Variants in KHDRBS2 observed in about 807,000 individuals in gnomAD.
The protein encoded by KHDRBS2 is KH RNA binding domain containing, signal transduction associated 2.
Under a neutral mutation model 44.3 loss-of-function variants are expected in KHDRBS2, and 26 were observed. That is an observed-to-expected ratio of 0.59 (90% confidence interval 0.43 to 0.81). The LOEUF (loss-of-function observed/expected upper bound fraction) is 0.81. Among genes scored for constraint, KHDRBS2 ranks in the 40% least tolerant of loss-of-function variants. The probability of loss-of-function intolerance (pLI) is 0.00; values close to 1 mark genes in which losing one functional copy is unlikely to be tolerated. For synonymous variants in KHDRBS2, 194 were observed against 151.1 expected (o/e 1.28, Z -2.08); for missense variants, 476 against 433.1 (o/e 1.10, Z -0.88).
chr6:62,073,967 T>G (rs1212950959), intron 2 of KHDRBS2, among the ~76,000 whole-genome samples: 1 of 151,760 alleles, frequency 6.6e-6, no homozygotes, highest in African/African-American at 2.4e-5. Context: ...CAGAACTGAG[T>G]GGGGATCCAC....
At chr6:61,679,709 A>G (rs1766135842), downstream of KHDRBS2, among the ~76,000 whole-genome samples, 3 of 151,990 alleles carry the variant, frequency 2.0e-5, no homozygotes, top group Admixed American at 2.0e-4. Context: ...GTCAAAACAA[A>G]TTGTTATAAA....
chr6:61,901,410 C>T, intron 4 of KHDRBS2, 39 bp from the exon 5 acceptor site: 1 of 1,476,838 alleles, frequency 6.8e-7, no homozygotes, highest in African/African-American at 1.5e-5. Context: ...AAAAATGGGA[C>T]ATGCCGTTCT....
chr6:61,583,026 A>T, the KHDRBS2 span, among the ~76,000 whole-genome samples: 2 of 151,776 alleles, frequency 1.3e-5, no homozygotes, highest in Non-Finnish European at 3.0e-5. Context: ...ATCTATATTC[A>T]CTGATTGTTA....
chr6:62,237,863 AG>A (rs1424927076), intron 1 of KHDRBS2, among the ~76,000 whole-genome samples: 2 of 152,090 alleles, frequency 1.3e-5, no homozygotes, highest in African/African-American at 4.8e-5. Flanking sequence ...ATATGGTAAA[AG>A]TCCTTCTCTA....
At chr6:62,200,640 C>T (rs1002933076) in intron 1 of KHDRBS2, among the ~76,000 whole-genome samples, 7 of 152,068 alleles carry the variant, frequency 4.6e-5, no homozygotes, top group African/African-American at 1.7e-4. Flanking sequence ...GTTGGTGGGA[C>T]CATAAACTAG....
intron 8 of KHDRBS2, among the ~76,000 whole-genome samples, chr6:61,682,548 A>G (rs1320872336): frequency 6.6e-6 from 1 of 151,918 alleles, no homozygotes; most frequent in East Asian, 1.9e-4. Context: ...GAACACAGGC[A>G]TGCTGTTTAT....
At chr6:61,949,863 T>A (rs1338979362) in intron 4 of KHDRBS2, among the ~76,000 whole-genome samples, 1 of 152,084 alleles carries the variant, frequency 6.6e-6, no homozygotes, top group African/African-American at 2.4e-5. Context: ...TCTCCCATTC[T>A]TTTACCTCAT....
intron 1 of KHDRBS2, among the ~76,000 whole-genome samples, chr6:62,233,538 T>G (rs890680053): frequency 6.6e-6 from 1 of 152,142 alleles, no homozygotes; most frequent in Non-Finnish European, 1.5e-5. Context: ...TTGGCTATAT[T>G]GATAAACTTG....
intron 6 of KHDRBS2, among the ~76,000 whole-genome samples, chr6:61,855,982 T>C (rs1796097812): frequency 1.3e-5 from 2 of 152,230 alleles, no homozygotes; most frequent in East Asian, 1.9e-4. Context: ...TAGGCTCTGC[T>C]TTTGTCATAA....
chr6:61,641,289 C>T, the KHDRBS2 span, among the ~76,000 whole-genome samples: 2 of 152,164 alleles, frequency 1.3e-5, no homozygotes, highest in Non-Finnish European at 2.9e-5. Flanking sequence ...CAAAAGCTTT[C>T]ACTGGCTCAC....
At chr6:61,924,860 C>A (rs528751056) in intron 4 of KHDRBS2, among the ~76,000 whole-genome samples, 1 of 152,072 alleles carries the variant, frequency 6.6e-6, no homozygotes, top group Non-Finnish European at 1.5e-5. Flanking sequence ...GTACAAAATA[C>A]ATGATAAGCT....
chr6:62,020,805 T>C (rs1303944107), intron 3 of KHDRBS2, among the ~76,000 whole-genome samples: 2 of 152,038 alleles, frequency 1.3e-5, no homozygotes, highest in African/African-American at 2.4e-5. Flanking sequence ...TTTTCACTTT[T>C]AACTATTTGT....
intron 6 of KHDRBS2, among the ~76,000 whole-genome samples, chr6:61,789,393 T>C (rs1784290827): frequency 6.6e-6 from 1 of 151,398 alleles, no homozygotes; most frequent in South Asian, 2.1e-4. Flanking sequence ...TATTATGTAA[T>C]AGATTTAATA....
rs149120821 is a variant in KHDRBS2 at position 61,875,193 on chromosome 6, G to GGA, written c.810+19440_810+19441dup. On this transcript the variant is annotated intron_variant, in intron 6 of 8. Coordinates refer to ENST00000281156, the MANE Select transcript of KHDRBS2 (RefSeq NM_152688.4). Reference sequence around the variant, plus strand: ...GTGTGGGCGTGGTGGGGGCAGGGAGGGAGAGAGAGAGAGAGAGAGAGTGGT... The same window carrying GGA: ...GTGTGGGCGTGGTGGGGGCAGGGAGGGAGAGAGAGAGAGAGAGAGAGAGTGGT... Among the ~76,000 whole-genome samples, 694 of 148,400 alleles carry GGA rather than the reference G, an allele frequency of 4.7e-3. 6 individuals are homozygous for GGA. Among genetic ancestry groups the GGA allele is most frequent in the Non-Finnish European group, 6.0e-3 (399 of 66,696 alleles).
At chr6:61,929,561 G>T (rs1194572127) in intron 4 of KHDRBS2, among the ~76,000 whole-genome samples, 1 of 152,086 alleles carries the variant, frequency 6.6e-6, no homozygotes, top group African/African-American at 2.4e-5. Context: ...CTGGGAAATA[G>T]GAGGAAAATC....
At chr6:62,192,170 T>C (rs1278141163) in intron 1 of KHDRBS2, among the ~76,000 whole-genome samples, 2 of 152,098 alleles carry the variant, frequency 1.3e-5, no homozygotes, top group Non-Finnish European at 2.9e-5. Context: ...CTGATATTGA[T>C]ATAAAAAAGC....
the KHDRBS2 span, among the ~76,000 whole-genome samples, chr6:61,620,601 G>A: frequency 6.6e-6 from 1 of 152,230 alleles, no homozygotes; most frequent in Non-Finnish European, 1.5e-5. Flanking sequence ...TAAGTGAAAT[G>A]TGGTAGCCAT....
At chr6:62,165,284 C>T (rs995675512) in intron 2 of KHDRBS2, among the ~76,000 whole-genome samples, 1 of 145,850 alleles carries the variant, frequency 6.9e-6, no homozygotes, top group South Asian at 2.1e-4. Context: ...TTCATTGGCG[C>T]TTAATTTTAA....
At chr6:62,208,446 C>A (rs1411442061) in intron 1 of KHDRBS2, among the ~76,000 whole-genome samples, 2 of 152,078 alleles carry the variant, frequency 1.3e-5, no homozygotes, top group Non-Finnish European at 2.9e-5. Flanking sequence ...TGTATATGTA[C>A]ACATATTACC....
Sources: allele counts gnomAD v4.1 joint callset (sites outside exome capture counted in the v4.1 genomes callset), GRCh38; gene constraint gnomAD v4.1.1; transcripts MANE v1.5; gene names NCBI Gene and HGNC (gene_info 2026-07-23, HGNC 2026-07-21).